Variants in VPS50 observed in about 807,000 individuals in gnomAD.
VPS50 encodes syndetin.
Under a neutral mutation model 139.7 loss-of-function variants are expected in VPS50, and 70 were observed. The ratio of observed to expected loss-of-function variants is 0.50; its 90% CI spans 0.41 to 0.61. VPS50 has a LOEUF of 0.61. Ranked by LOEUF, VPS50 falls within the 20% of genes least tolerant of loss-of-function variation. The pLI, the probability that VPS50 is intolerant of heterozygous loss-of-function variation, is 0.00. For missense variants in VPS50, 921 were observed against 1,133.7 expected (o/e 0.81, Z 2.69); for synonymous variants, 365 against 376.7 (o/e 0.97, Z 0.36).
At chr7:93,259,658 C>G (rs745488255) in intron 9 of VPS50, 26 bp downstream of exon 9, 3 of 1,223,602 alleles carry the variant, frequency 2.5e-6, no homozygotes, top group Non-Finnish European at 3.6e-6. Context: ...TGTTTTAAAG[C>G]AGATTCTGTT....
intron 23 of VPS50, among the ~76,000 whole-genome samples, chr7:93,348,151 G>T (rs1057201022): frequency 6.6e-6 from 1 of 152,280 alleles, no homozygotes; most frequent in Non-Finnish European, 1.5e-5. Context: ...GTGCCTGGAT[G>T]CAGTGCAACT....
chr7:93,249,691 A>G (rs1029199739), intron 2 of VPS50, among the ~76,000 whole-genome samples: 2 of 152,120 alleles, frequency 1.3e-5, no homozygotes, highest in African/African-American at 4.8e-5. Context: ...CAGTGTTGCC[A>G]TGTCCTCACT....
chr7:93,289,785 T>C (rs970078824), intron 12 of VPS50, among the ~76,000 whole-genome samples: 1 of 152,086 alleles, frequency 6.6e-6, no homozygotes, highest in Non-Finnish European at 1.5e-5. Flanking sequence ...ATCTAAGTGA[T>C]GTGCGATGCC....
chr7:93,348,336 G>C (rs1471905660), intron 23 of VPS50, among the ~76,000 whole-genome samples: 1 of 152,162 alleles, frequency 6.6e-6, no homozygotes, highest in African/African-American at 2.4e-5. Context: ...TCAAGAGTCT[G>C]TTGTGTATAA....
chr7:93,262,884 G>T (rs997839962), intron 9 of VPS50, among the ~76,000 whole-genome samples: 2 of 152,172 alleles, frequency 1.3e-5, no homozygotes, highest in Non-Finnish European at 2.9e-5. Context: ...AACATAATAA[G>T]TTTGTTCACT....
intron 12 of VPS50, among the ~76,000 whole-genome samples, chr7:93,279,493 A>T (rs142456238): frequency 6.6e-6 from 1 of 152,352 alleles, no homozygotes; most frequent in Non-Finnish European, 1.5e-5. Flanking sequence ...GAGATAATTC[A>T]TGAAGGAACT....
At chr7:93,325,527 G>C (rs1176344053) in intron 21 of VPS50, among the ~76,000 whole-genome samples, 2 of 151,686 alleles carry the variant, frequency 1.3e-5, no homozygotes, top group Non-Finnish European at 2.9e-5. Flanking sequence ...TACAAAATGG[G>C]AGAAAATTTT....
chr7:93,353,751 A>G lies in VPS50; in HGVS notation c.2575A>G (p.Ile859Val), dbSNP rs764244975. The G allele has an allele frequency of 1.0e-5, 16 of 1,602,402 alleles. No homozygotes were observed. The highest frequency in any genetic ancestry group is 1.7e-4 in the Middle Eastern group (1 of 6,000). Residue 859 changes from isoleucine (I) to valine (V), a missense_variant, in exon 26 of 28, where the codon ATT (isoleucine) becomes GTT (valine). Physicochemically the swap from Ile to Val is conservative, Grantham distance 29. This residue lies in a region of VPS50 where 158 missense variants were observed against 156.3 expected (regional missense o/e 1.01). Transcript: ENST00000305866. ...TTGTATACGATTGGCTAATCGAACTATTGTAGAAGGGTAAGTTTTTCATGA... is the reference window on the plus strand; with the variant it reads ...TTGTATACGATTGGCTAATCGAACTGTTGTAGAAGGGTAAGTTTTTCATGA... ...EHCIRLANRTIVEGYANVKKC... is the reference protein window; with the variant it reads ...EHCIRLANRTVVEGYANVKKC...
intron 4 of VPS50, among the ~76,000 whole-genome samples, chr7:93,254,924 A>G (rs1036010318): frequency 1.3e-5 from 2 of 152,092 alleles, no homozygotes; most frequent in African/African-American, 4.8e-5. Flanking sequence ...ATACTTTTCT[A>G]TTACACTCAG....
At chr7:93,249,116 T>G (rs1795241267) in intron 2 of VPS50, among the ~76,000 whole-genome samples, 2 of 152,158 alleles carry the variant, frequency 1.3e-5, no homozygotes, top group African/African-American at 4.8e-5. Context: ...TTGTATGCTC[T>G]CTGTGATACT....
chr7:93,245,864 G>T (rs1795136847), intron 2 of VPS50, among the ~76,000 whole-genome samples: 1 of 151,848 alleles, frequency 6.6e-6, no homozygotes, highest in African/African-American at 2.4e-5. Context: ...ATTTCCTCAT[G>T]TAATCAGACA....
In VPS50 at chr7:93,300,453, A is replaced by G. The variant is rs542580932; in HGVS notation, c.1362-3007A>G. 5.3e-5 allele frequency among the ~76,000 whole-genome samples: 8 copies of G among 152,274 alleles called. No individual in the cohort carries two copies. The East Asian group carries it at 1.5e-3, about 29-fold the overall frequency. ...GAACATAGATGCAAAATCCTACACAAAATATTGGCAAATTTAATTCAGTGA... is the reference window on the plus strand; with the variant it reads ...GAACATAGATGCAAAATCCTACACAGAATATTGGCAAATTTAATTCAGTGA... On this transcript the variant is annotated intron_variant, in intron 16 of 27. Coordinates refer to ENST00000305866, the MANE Select transcript of VPS50 (RefSeq NM_017667.4).
chr7:93,237,248 G>A (rs1019343642), intron 1 of VPS50, among the ~76,000 whole-genome samples: 26 of 151,882 alleles, frequency 1.7e-4, no homozygotes, highest in Admixed American at 6.6e-5. Flanking sequence ...GAGCCACCAC[G>A]CCCGGCCTGT....
chr7:93,346,446 A>C (rs1224317633), intron 23 of VPS50, among the ~76,000 whole-genome samples: 3 of 152,280 alleles, frequency 2.0e-5, no homozygotes, highest in South Asian at 4.1e-4. Flanking sequence ...GCTACCAATG[A>C]CTTTCTTCAC....
chr7:93,358,199 C>T (rs1798760033), intron 27 of VPS50, 118 bp from the exon 28 acceptor site: 1 of 880,212 alleles, frequency 1.1e-6, no homozygotes, highest in Non-Finnish European at 1.8e-6. Context: ...CTGTTTTTCA[C>T]TGGTTTATAA....
intron 1 of VPS50, among the ~76,000 whole-genome samples, chr7:93,236,319 A>G (rs1484912979): frequency 6.6e-6 from 1 of 152,174 alleles, no homozygotes; most frequent in Non-Finnish European, 1.5e-5. Flanking sequence ...TTCAGGAGAA[A>G]ATAGGGGGAG....
chr7:93,239,722 T>C, intron 1 of VPS50, 144 bp from the exon 2 acceptor site: 1 of 516,280 alleles, frequency 1.9e-6, no homozygotes, highest in Non-Finnish European at 3.5e-6. Flanking sequence ...TAAATGATGA[T>C]TGCTTTTAGA....
At chr7:93,309,412 CT>C (rs1434971916) in intron 19 of VPS50, among the ~76,000 whole-genome samples, 1 of 151,898 alleles carries the variant, frequency 6.6e-6, no homozygotes, top group East Asian at 1.9e-4. Flanking sequence ...GTTAAAATTA[CT>C]TTATTATCTT....
chr7:93,274,742 T>C (rs2116890429), intron 11 of VPS50, among the ~76,000 whole-genome samples: 1 of 152,266 alleles, frequency 6.6e-6, no homozygotes, highest in South Asian at 2.1e-4. Flanking sequence ...ATAGGTACCA[T>C]AGATAGTGAT....
Sources: gnomAD v4.1 joint callset for allele counts (sites outside exome capture counted in the v4.1 genomes callset) on GRCh38, gnomAD v4.1.1 for gene constraint, gnomAD v4.1.1 regional missense constraint, MANE v1.5 for transcripts, NCBI Gene and HGNC (gene_info 2026-07-23, HGNC 2026-07-21) for gene names.